The following INTS7 variants were observed in gnomAD, a reference collection of about 807,000 sequenced individuals.
The protein encoded by INTS7 is chromosome 1 open reading frame 73.
INTS7 carries 46 observed loss-of-function variants against 109.2 expected under a neutral mutation model. The ratio of observed to expected loss-of-function variants is 0.42; its 90% CI spans 0.33 to 0.54. The LOEUF (loss-of-function observed/expected upper bound fraction) is 0.54. INTS7 is among the 20% of genes least tolerant of loss of function. INTS7 has a pLI of 0.07. For synonymous variants in INTS7, 412 were observed against 402.9 expected (o/e 1.02, Z -0.27); for missense variants, 929 against 1,132.4 (o/e 0.82, Z 2.58).
chr1:211,959,125 T>A lies in INTS7; in HGVS notation c.2184-6424A>T, dbSNP rs1317360095. Reference sequence around the variant, plus strand: ...CACTTGAGTTGGCACAGAGGGCTGCTTAGAGAAGTGTTAGGGGCCGTATTC... The same window carrying A: ...CACTTGAGTTGGCACAGAGGGCTGCATAGAGAAGTGTTAGGGGCCGTATTC... On this transcript the variant is annotated intron_variant, in intron 16 of 19. Coordinates refer to ENST00000366994, the MANE Select transcript of INTS7 (RefSeq NM_015434.4). The surrounding 1 kb of genome is among the most constrained non-coding windows in gnomAD (Gnocchi z 4.2). Among the ~76,000 whole-genome samples the A allele has an allele frequency of 6.6e-6, 1 of 152,190 alleles. No individual in the cohort carries two copies. The highest frequency in any genetic ancestry group is 1.5e-5 in the Non-Finnish European group (1 of 68,026).
intron 4 of INTS7, chr1:212,011,710 T>C: frequency 3.3e-6 from 1 of 303,406 alleles, no homozygotes; most frequent in Non-Finnish European, 6.1e-6. Flanking sequence ...TGAAATTATT[T>C]TGTGTTTATA....
intron 7 of INTS7, among the ~76,000 whole-genome samples, chr1:211,988,349 G>C (rs1235016276): frequency 6.6e-6 from 1 of 151,464 alleles, no homozygotes; most frequent in Non-Finnish European, 1.5e-5. Context: ...TCAAGCCCAG[G>C]AGGTCGAGAC....
chr1:211,987,318 CAAA>C (rs546307726), intron 8 of INTS7, among the ~76,000 whole-genome samples: 2 of 150,464 alleles, frequency 1.3e-5, no homozygotes, highest in East Asian at 3.9e-4. Context: ...ACAACAACAA[CAAA>C]AAAAAACCCA....
At chr1:212,010,765 A>G (rs904396028) in intron 5 of INTS7, among the ~76,000 whole-genome samples, 1 of 152,196 alleles carries the variant, frequency 6.6e-6, no homozygotes, top group African/African-American at 2.4e-5. Flanking sequence ...ATAGGCTTAG[A>G]GCCTAGGAAC....
intron 13 of INTS7, 62 bp from the exon 14 acceptor site, chr1:211,968,769 G>T: frequency 7.6e-7 from 1 of 1,313,600 alleles, no homozygotes; most frequent in Non-Finnish European, 1.0e-6. Context: ...AGATGGGGCA[G>T]TACCAAGTAT....
intron 7 of INTS7, among the ~76,000 whole-genome samples, chr1:212,000,443 G>C (rs1180583498): frequency 6.6e-6 from 1 of 152,008 alleles, no homozygotes; most frequent in Non-Finnish European, 1.5e-5. Flanking sequence ...CCACTCCAGA[G>C]TATAGAAAGA....
intron 7 of INTS7, among the ~76,000 whole-genome samples, chr1:211,988,267 G>A (rs944907447): frequency 6.6e-5 from 10 of 151,402 alleles, no homozygotes; most frequent in Non-Finnish European, 1.0e-4. Flanking sequence ...ACAAAAATTC[G>A]AAAAATTAGC....
At chr1:211,971,331 T>C (rs759231786) in intron 13 of INTS7, among the ~76,000 whole-genome samples, 2 of 152,178 alleles carry the variant, frequency 1.3e-5, no homozygotes, top group Non-Finnish European at 2.9e-5. Flanking sequence ...TCAAAAGATA[T>C]GTACAAGAAT....
At position 212,020,980 on chromosome 1, in the gene INTS7, T is replaced by G. The variant is rs563073260; in HGVS notation, c.224+103A>C. 1.0e-5 allele frequency: 11 copies of G among 1,058,534 alleles called. No individual in the cohort carries two copies. The Admixed American group carries it at 2.0e-4, about 19-fold the overall frequency. The allele number at this position is 1,058,534 out of a possible 1,614,324, so 65.6% of individuals were successfully genotyped here. On this transcript the variant is annotated intron_variant, in intron 2 of 19. Transcript: ENST00000366994. Reference sequence around the variant, plus strand: ...GTCATGTGTGTCCACTAATGGTAACTAACCAGGTGGAAGTACTAAAAGGCA... The same window carrying G: ...GTCATGTGTGTCCACTAATGGTAACGAACCAGGTGGAAGTACTAAAAGGCA...
chr1:211,984,026 G>C (rs1279463534), intron 8 of INTS7, among the ~76,000 whole-genome samples: 2 of 151,814 alleles, frequency 1.3e-5, no homozygotes, highest in Admixed American at 6.6e-5. Flanking sequence ...ACCATACCTG[G>C]CTAATTTTGT....
intron 19 of INTS7, among the ~76,000 whole-genome samples, chr1:211,944,033 T>TA (rs1456509514): frequency 2.0e-5 from 3 of 152,228 alleles, no homozygotes; most frequent in Admixed American, 6.5e-5. Flanking sequence ...GGTTATTACT[T>TA]ACCTATATCC....
At chr1:212,015,931 TTTTA>T (rs1666418243) in intron 4 of INTS7, among the ~76,000 whole-genome samples, 1 of 152,106 alleles carries the variant, frequency 6.6e-6, no homozygotes, top group East Asian at 1.9e-4. Context: ...ATATTACGGC[TTTTA>T]TTTTTTTTAA....
intron 4 of INTS7, among the ~76,000 whole-genome samples, chr1:212,015,118 G>A (rs185616102): frequency 0.026 from 3,959 of 150,774 alleles, 56 homozygotes; most frequent in African/African-American, 0.046. Flanking sequence ...CAGCCGCCCC[G>A]TCCGGGAGGG....
chr1:211,966,239 T>C (rs1269724216), intron 16 of INTS7, 191 bp downstream of exon 16: 1 of 397,120 alleles, frequency 2.5e-6, no homozygotes, highest in Non-Finnish European at 4.5e-6. Flanking sequence ...ATGTTAACTT[T>C]TTGAAAACAG....
intron 12 of INTS7, 136 bp from the exon 13 acceptor site, chr1:211,975,508 G>A (rs1664379137): frequency 1.6e-6 from 1 of 637,034 alleles, no homozygotes; most frequent in Admixed American, 2.9e-5. Context: ...CTCATATTAT[G>A]TAATTCGCTG....
In INTS7 at chr1:212,012,957, C is replaced by G. The variant is rs190204538; in HGVS notation, c.510-1536G>C. On this transcript the variant is annotated intron_variant, in intron 4 of 19. Transcript: ENST00000366994. ...GAAGCACTGGAAGTATATATTTAAT[C>G]TGACAGACTATGAAGCACTGACACC... Among the ~76,000 whole-genome samples, 30 of 152,266 alleles carry G rather than the reference C, an allele frequency of 2.0e-4. No individual in the cohort carries two copies. In the East Asian group the frequency reaches 5.6e-3, roughly 28 times the overall value.
At chr1:212,008,064 C>A (rs971944036) in intron 5 of INTS7, among the ~76,000 whole-genome samples, 1 of 152,140 alleles carries the variant, frequency 6.6e-6, no homozygotes, top group Non-Finnish European at 1.5e-5. Context: ...ATTTCTCAGT[C>A]GTAATGTACC....
At chr1:212,004,233 T>C (rs113395158) in intron 7 of INTS7, among the ~76,000 whole-genome samples, 5,200 of 152,116 alleles carry the variant, frequency 0.034, 301 homozygotes, top group African/African-American at 0.12. Flanking sequence ...TCCCAGCTGC[T>C]TGGGAAGTTG....
rs56795170 is a variant in INTS7 at position 211,982,107 on chromosome 1, T to C, written c.1132+569A>G. 4.8e-3 allele frequency among the ~76,000 whole-genome samples: 725 copies of C among 152,308 alleles called. 7 individuals are homozygous for C. The highest frequency in any genetic ancestry group is 0.017 in the African/African-American group (691 of 41,568). On this transcript the variant is annotated intron_variant, in intron 9 of 19. Transcript: ENST00000366994. ...ACTGAAACAGATGGAATATCCAAAA[T>C]GCATTTCTTGTTCTTGAACACAAGT...
Sources: gnomAD v4.1 joint callset for allele counts (sites outside exome capture counted in the v4.1 genomes callset) on GRCh38, gnomAD v4.1.1 for gene constraint, Gnocchi (gnomAD v3.1) non-coding constraint, MANE v1.5 for transcripts, NCBI Gene and HGNC (gene_info 2026-07-23, HGNC 2026-07-21) for gene names.